The following EYS variants were observed in gnomAD, a reference collection of about 807,000 sequenced individuals.
The protein encoded by EYS is EGF-like photoreceptor maintenance factor, also known as protein eyes shut homolog.
Under a neutral mutation model 282.1 loss-of-function variants are expected in EYS, and 250 were observed. That is an observed-to-expected ratio of 0.89 (90% CI 0.80 to 0.98). EYS has a LOEUF of 0.98. EYS is among the 50% of genes least tolerant of loss of function. EYS has a pLI of 0.00. For missense variants in EYS, 4,016 were observed against 3,709.0 expected (o/e 1.08, Z -2.15); for synonymous variants, 1,355 against 1,282.9 (o/e 1.06, Z -1.20).
chr6:64,194,580 T>C (rs1765223354), intron 31 of EYS, among the ~76,000 whole-genome samples: 1 of 152,146 alleles, frequency 6.6e-6, no homozygotes, highest in Admixed American at 6.6e-5. Context: ...TACCTTTTGG[T>C]TTTTGCTTTT....
At chr6:65,215,508 G>A (rs1766290710) in intron 12 of EYS, among the ~76,000 whole-genome samples, 1 of 152,144 alleles carries the variant, frequency 6.6e-6, no homozygotes, top group Non-Finnish European at 1.5e-5. Context: ...AAGATGGAAT[G>A]TACTTCTTGT....
At chr6:64,025,167 C>T (rs984946101) in intron 33 of EYS, among the ~76,000 whole-genome samples, 17 of 152,208 alleles carry the variant, frequency 1.1e-4, no homozygotes, top group South Asian at 4.1e-4. Flanking sequence ...GTGCGGCTGC[C>T]GGACTAAAGA....
At chr6:64,855,160 TTGTG>T (rs1318847325) in intron 19 of EYS, among the ~76,000 whole-genome samples, 9 of 151,842 alleles carry the variant, frequency 5.9e-5, no homozygotes, top group Admixed American at 1.3e-4. Context: ...CCCACCGCGT[TTGTG>T]TGTGTGTATC....
chr6:65,006,767 T>C (rs1261610589), intron 13 of EYS, among the ~76,000 whole-genome samples: 1 of 152,202 alleles, frequency 6.6e-6, no homozygotes. Context: ...CAGTAATTGA[T>C]AAGGAGACTT....
chr6:64,820,928 A>G (rs775741949), intron 21 of EYS, among the ~76,000 whole-genome samples: 3 of 152,060 alleles, frequency 2.0e-5, no homozygotes, highest in Non-Finnish European at 4.4e-5. Flanking sequence ...AAAGAATGTA[A>G]TAAAATACCC....
chr6:64,628,885 T>C (rs1043943668), intron 22 of EYS, among the ~76,000 whole-genome samples: 2 of 152,244 alleles, frequency 1.3e-5, no homozygotes, highest in East Asian at 3.9e-4. Flanking sequence ...AATGTTCTCA[T>C]AGACTATGTA....
At chr6:64,483,674 T>A (rs1031866904) in intron 26 of EYS, among the ~76,000 whole-genome samples, 1 of 151,590 alleles carries the variant, frequency 6.6e-6, no homozygotes. Flanking sequence ...AATAACCAGG[T>A]AAGTCTGATT....
intron 26 of EYS, among the ~76,000 whole-genome samples, chr6:64,439,713 T>TATTGTTAA (rs1774871679): frequency 6.6e-6 from 1 of 151,872 alleles, no homozygotes; most frequent in Non-Finnish European, 1.5e-5. Flanking sequence ...ATATTGTTAA[T>TATTGTTAA]AATTTAATTT....
chr6:63,837,479 T>C (rs1239194144), intron 36 of EYS, among the ~76,000 whole-genome samples: 2 of 152,070 alleles, frequency 1.3e-5, no homozygotes, highest in Admixed American at 1.3e-4. Flanking sequence ...CAGAAAGGGG[T>C]AAAAATATGT....
chr6:64,279,981 T>G (rs1768248274), intron 30 of EYS, among the ~76,000 whole-genome samples: 1 of 152,160 alleles, frequency 6.6e-6, no homozygotes, highest in African/African-American at 2.4e-5. Context: ...CTCCAGAAAC[T>G]AGGGCATGAT....
chr6:64,206,124 A>G (rs1335651248), intron 31 of EYS, among the ~76,000 whole-genome samples: 1 of 152,166 alleles, frequency 6.6e-6, no homozygotes, highest in African/African-American at 2.4e-5. Context: ...AAATAATTTG[A>G]TTAAGAATTT....
chr6:65,091,736 G>A (rs543013726), intron 12 of EYS, among the ~76,000 whole-genome samples: 5 of 152,180 alleles, frequency 3.3e-5, no homozygotes, highest in South Asian at 4.1e-4. Flanking sequence ...AGTACAGCAC[G>A]ACACAGCGGG....
At chr6:63,952,049 A>G (rs1449683031) in intron 35 of EYS, among the ~76,000 whole-genome samples, 3 of 152,178 alleles carry the variant, frequency 2.0e-5, no homozygotes, top group African/African-American at 7.2e-5. Context: ...ATAACAGAGA[A>G]GAGTTGCAAT....
chr6:63,819,218 A>G (rs1771259478), intron 36 of EYS, among the ~76,000 whole-genome samples: 1 of 152,166 alleles, frequency 6.6e-6, no homozygotes, highest in African/African-American at 2.4e-5. Flanking sequence ...CTCTGTGCCT[A>G]TTGTGATCAG....
At chr6:65,203,578 T>C (rs915438958) in intron 12 of EYS, among the ~76,000 whole-genome samples, 6 of 152,108 alleles carry the variant, frequency 3.9e-5, no homozygotes, top group African/African-American at 1.4e-4. Flanking sequence ...AAGAAAAAAG[T>C]CATGTAAATG....
At chr6:64,905,576 C>T (rs192008844) in intron 16 of EYS, among the ~76,000 whole-genome samples, 39 of 152,262 alleles carry the variant, frequency 2.6e-4, no homozygotes, top group African/African-American at 7.7e-4. Flanking sequence ...CTTCTGCACT[C>T]GTTCCTCCAA....
chr6:65,022,710 CAT>C (rs1471253628), intron 13 of EYS, among the ~76,000 whole-genome samples: 3 of 148,996 alleles, frequency 2.0e-5, no homozygotes, highest in African/African-American at 7.3e-5. Flanking sequence ...ATTTTTTAAA[CAT>C]AAATACAATA....
intron 2 of EYS, among the ~76,000 whole-genome samples, chr6:65,512,501 A>T (rs542577495): frequency 6.6e-6 from 1 of 151,784 alleles, no homozygotes; most frequent in South Asian, 2.1e-4. Flanking sequence ...TCAAAAAAAA[A>T]AAAAAAAAAA....
At chr6:64,515,144 T>C (rs1446688757) in intron 26 of EYS, among the ~76,000 whole-genome samples, 4 of 151,840 alleles carry the variant, frequency 2.6e-5, no homozygotes, top group Admixed American at 2.6e-4. Flanking sequence ...TGTAAACTAG[T>C]GATTAGTGAG....
Sources: allele counts gnomAD v4.1 joint callset (sites outside exome capture counted in the v4.1 genomes callset), GRCh38; gene constraint gnomAD v4.1.1; transcripts MANE v1.5; gene names NCBI Gene and HGNC (gene_info 2026-07-23, HGNC 2026-07-21).